Variants in CD99 observed in about 807,000 individuals in gnomAD.
CD99 encodes CD99 antigen.
A neutral mutation model predicts 28.4 loss-of-function variants in CD99; 19 were observed. That is an observed-to-expected ratio of 0.67 (90% CI 0.47 to 0.98). CD99 has a LOEUF of 0.98. Ranked by LOEUF, CD99 falls within the 50% of genes least tolerant of loss-of-function variation. CD99 has a pLI of 0.00. For missense variants in CD99, 283 were observed against 248.8 expected, an observed-to-expected ratio of 1.14 and a Z score of -0.92; for synonymous variants, 103 against 92.1, an observed-to-expected ratio of 1.12 and a Z score of -0.67.
chrX:2,736,126 C>G (rs2049922961), intron 8 of CD99, among the ~76,000 whole-genome samples: 1 of 151,068 alleles, frequency 6.6e-6, no homozygotes, highest in Non-Finnish European at 1.5e-5. Flanking sequence ...GGCGTGAACC[C>G]TGGAGGCGGA....
intron 8 of CD99, among the ~76,000 whole-genome samples, chrX:2,729,694 T>C (rs894926209): frequency 6.6e-5 from 10 of 152,080 alleles, no homozygotes; most frequent in African/African-American, 2.2e-4. Context: ...TGAAATAGAA[T>C]TGGGAAAAGG....
chrX:2,723,972 AGGAAAGAAGGAAGGAGGGAT>A (rs2049136185), intron 7 of CD99, among the ~76,000 whole-genome samples: 1 of 140,724 alleles, frequency 7.1e-6, no homozygotes, highest in East Asian at 2.4e-4. Flanking sequence ...GAAGGAGGGA[AGGAAAGAAGGAAGGAGGGAT>A]GGAGAGAAGG....
intron 1 of CD99, among the ~76,000 whole-genome samples, chrX:2,697,095 A>G (rs1281338119): frequency 1.3e-5 from 2 of 152,160 alleles, no homozygotes; most frequent in African/African-American, 4.8e-5. Flanking sequence ...CCCACAGGGT[A>G]CATGGAAAGC....
intron 2 of CD99, among the ~76,000 whole-genome samples, chrX:2,716,316 C>G (rs984010196): frequency 2.6e-5 from 4 of 151,224 alleles, no homozygotes; most frequent in Middle Eastern, 3.4e-3. Context: ...TGAGCCCAGC[C>G]ACCCTCTTCA....
In CD99 at chrX:2,723,361, G is replaced by C. The variant is rs757246344; in HGVS notation, c.358G>C (p.Glu120Gln). ...AGGCAGCCACAGGAAAGAAGGGGAAGAGGGTAGGTGCACCTGGCTTCTGTC... is the reference window on the plus strand; with the variant it reads ...AGGCAGCCACAGGAAAGAAGGGGAACAGGGTAGGTGCACCTGGCTTCTGTC... Reference protein sequence around the residue: ...GGGSHRKEGEEADAPGVIPGI... With the variant: ...GGGSHRKEGEQADAPGVIPGI... The change falls in exon 7 of 10, where the codon GAG (glutamate) becomes CAG (glutamine). Residue 120 changes from glutamate to glutamine, a missense_variant. Glu to Gln is a conservative substitution (Grantham distance 29). Coordinates refer to ENST00000381192, the MANE Select transcript of CD99 (RefSeq NM_002414.5). 47 of 1,613,990 alleles carry C rather than the reference G, an allele frequency of 2.9e-5. No individual in the cohort carries two copies. The African/African-American group carries it at 3.9e-4, about 13-fold the overall frequency.
chrX:2,716,592 A>G (rs1403968880), intron 2 of CD99, among the ~76,000 whole-genome samples: 1 of 151,934 alleles, frequency 6.6e-6, no homozygotes, highest in Non-Finnish European at 1.5e-5. Context: ...TGTGGGTTCG[A>G]GCAATCCTCC....
At chrX:2,723,722 G>A (rs2049123044) in intron 7 of CD99, among the ~76,000 whole-genome samples, 1 of 152,160 alleles carries the variant, frequency 6.6e-6, no homozygotes. Context: ...GTTGCGCTTG[G>A]CCCTTGAGAA....
intron 8 of CD99, chrX:2,733,575 A>C: frequency 1.7e-6 from 1 of 586,812 alleles, no homozygotes; most frequent in South Asian, 2.4e-5. Flanking sequence ...GGATGCACAG[A>C]AGCTCATTAT....
intron 1 of CD99, among the ~76,000 whole-genome samples, chrX:2,704,377 C>T (rs7886488): frequency 0.02 from 3,075 of 152,142 alleles, 108 homozygotes; most frequent in African/African-American, 0.07. Context: ...CTTAGGCCAC[C>T]GCAGACAAGG....
At chrX:2,726,446 G>A in intron 8 of CD99, 73 bp downstream of exon 8, 1 of 985,548 alleles carries the variant, frequency 1.0e-6, no homozygotes, top group Non-Finnish European at 1.6e-6. Flanking sequence ...TTAAAAGGCA[G>A]AAACCAAACT....
intron 1 of CD99, among the ~76,000 whole-genome samples, chrX:2,701,387 C>T (rs1471081440): frequency 1.3e-5 from 2 of 152,182 alleles, no homozygotes; most frequent in African/African-American, 4.8e-5. Flanking sequence ...TTTTTGTTCT[C>T]TGCTTTGGAG....
chrX:2,736,313 G>T (rs1409349329), intron 8 of CD99, among the ~76,000 whole-genome samples: 2 of 152,092 alleles, frequency 1.3e-5, no homozygotes, highest in Non-Finnish European at 2.9e-5. Context: ...CAAATAGCAC[G>T]GTCTTTGTGA....
rs1354906274 is a variant in CD99, at chrX:2,707,685, G to T, written c.68-6737G>T. Among the ~76,000 whole-genome samples, 8 of 152,340 alleles carry T rather than the reference G, an allele frequency of 5.3e-5. No individual in the cohort carries two copies. The East Asian group carries it at 1.5e-3, about 29-fold the overall frequency. On this transcript the variant is annotated intron_variant, in intron 1 of 9. Transcript: ENST00000381192. ...GTGGAAACAGCAGTGGCAGTTGGGG[G>T]TTCTGCTGAGGGTCTGGTCTCTTTG...
chrX:2,732,237 C>T (rs1462022664), intron 8 of CD99, among the ~76,000 whole-genome samples: 1 of 152,050 alleles, frequency 6.6e-6, no homozygotes, highest in East Asian at 1.9e-4. Context: ...GGTGTGTTGG[C>T]TTCGCGGGGG....
chrX:2,723,618 C>T (rs1453261442), intron 7 of CD99, among the ~76,000 whole-genome samples: 3 of 152,150 alleles, frequency 2.0e-5, no homozygotes, highest in Non-Finnish European at 4.4e-5. Context: ...TGGCTGGCGA[C>T]CCGACCCCTA....
intron 8 of CD99, among the ~76,000 whole-genome samples, chrX:2,733,913 G>A (rs1569449673): frequency 6.6e-6 from 1 of 152,210 alleles, no homozygotes; most frequent in African/African-American, 2.4e-5. Context: ...TGTGATCAGT[G>A]TTCCAAACAG....
Position 2,706,314 on chromosome X carries a change from C to CG in CD99, c.68-8105dup, listed in dbSNP as rs199713559. On this transcript the variant is annotated intron_variant, in intron 1 of 9. Transcript: ENST00000381192. Reference sequence around the variant, plus strand: ...GGCATAGCTTGCAGTGAGCCAAAATCGGGCCACCGCACTCCAGCCTGGGTG... The same window carrying CG: ...GGCATAGCTTGCAGTGAGCCAAAATCGGGGCCACCGCACTCCAGCCTGGGTG... Among the ~76,000 whole-genome samples, 1,333 of 152,182 alleles carry CG rather than the reference C, an allele frequency of 8.8e-3. 26 individuals carry two copies. Among genetic ancestry groups the CG allele is most frequent in the African/African-American group, 0.03 (1,262 of 41,520 alleles).
At chrX:2,725,799 A>C (rs182948429) in intron 7 of CD99, among the ~76,000 whole-genome samples, 159 of 152,262 alleles carry the variant, frequency 1.0e-3, no homozygotes, top group Admixed American at 1.6e-3. Context: ...TTTTTCGTAG[A>C]GACGGGTTTT....
chrX:2,714,547 A>G, intron 2 of CD99, 93 bp downstream of exon 2: 2 of 1,089,800 alleles, frequency 1.8e-6, no homozygotes, highest in Non-Finnish European at 2.8e-6. Context: ...GCTAGGTTCT[A>G]GACCACCGCA....
Sources: allele counts gnomAD v4.1 joint callset (sites outside exome capture counted in the v4.1 genomes callset), GRCh38; gene constraint gnomAD v4.1.1; transcripts MANE v1.5; gene names NCBI Gene and HGNC (gene_info 2026-07-23, HGNC 2026-07-21).